Variants in GPHN observed in about 807,000 individuals in gnomAD.
GPHN encodes the protein gephyrin.
A neutral mutation model predicts 95.5 loss-of-function variants in GPHN; 17 were observed. The ratio of observed to expected loss-of-function variants is 0.18; its 90% CI spans 0.12 to 0.27. GPHN has a LOEUF of 0.27. Ranked by LOEUF, GPHN falls within the 10% of genes least tolerant of loss-of-function variation. The pLI, the probability that GPHN is intolerant of heterozygous loss-of-function variation, is 1.00. For synonymous variants in GPHN, 320 were observed against 322.5 expected (o/e 0.99, Z 0.08); for missense variants, 660 against 978.1 (o/e 0.67, Z 4.34).
At chr14:67,387,410 C>A in the GPHN span, 2 of 1,610,160 alleles carry the variant, frequency 1.2e-6, no homozygotes, top group Non-Finnish European at 1.7e-6. Context: ...GTGTGTCATC[C>A]TTAGTAATCA....
chr14:67,321,223 C>T, the GPHN span: 11 of 1,614,088 alleles, frequency 6.8e-6, no homozygotes, highest in Admixed American at 6.7e-5. Flanking sequence ...AAGTGATCAA[C>T]TCTGGCAAAA....
chr14:66,976,610 A>G (rs1489874506), intron 9 of GPHN, among the ~76,000 whole-genome samples: 1 of 152,178 alleles, frequency 6.6e-6, no homozygotes, highest in Non-Finnish European at 1.5e-5. Flanking sequence ...TACTTTTGTT[A>G]AAGAGAAAAC....
the GPHN span, among the ~76,000 whole-genome samples, chr14:67,483,472 G>T: frequency 6.6e-6 from 1 of 152,232 alleles, no homozygotes; most frequent in Non-Finnish European, 1.5e-5. Context: ...CTTCTGGAAG[G>T]CTGGGATGGT....
intron 1 of GPHN, among the ~76,000 whole-genome samples, chr14:66,645,691 CAAA>C (rs35278627): frequency 9.2e-6 from 1 of 109,060 alleles, no homozygotes; most frequent in African/African-American, 3.0e-5. Flanking sequence ...GACTCCATTT[CAAA>C]AAAAAAAAAA....
At chr14:67,212,630 T>C in the GPHN span, among the ~76,000 whole-genome samples, 3 of 145,738 alleles carry the variant, frequency 2.1e-5, no homozygotes, top group African/African-American at 5.0e-5. Flanking sequence ...ATATATTATA[T>C]ATAATATATA....
chr14:67,701,529 T>G, the GPHN span, among the ~76,000 whole-genome samples: 1 of 151,300 alleles, frequency 6.6e-6, no homozygotes, highest in Non-Finnish European at 1.5e-5. Context: ...GTTCAAGTGA[T>G]TCTCCCGCCT....
chr14:67,374,150 T>C, the GPHN span, among the ~76,000 whole-genome samples: 1 of 152,270 alleles, frequency 6.6e-6, no homozygotes, highest in East Asian at 1.9e-4. Context: ...AATCTGAAAC[T>C]TTTGAGCACC....
chr14:66,732,216 C>A (rs2071833155), intron 2 of GPHN, among the ~76,000 whole-genome samples: 1 of 152,156 alleles, frequency 6.6e-6, no homozygotes, highest in Admixed American at 6.5e-5. Flanking sequence ...GGACCACCAC[C>A]CTCCAGACCC....
the GPHN span, among the ~76,000 whole-genome samples, chr14:67,628,462 C>T: frequency 6.6e-6 from 1 of 152,170 alleles, no homozygotes; most frequent in African/African-American, 2.4e-5. Context: ...AGTGATGTGC[C>T]TGCATAGAGG....
the GPHN span, among the ~76,000 whole-genome samples, chr14:67,698,584 G>T: frequency 6.6e-6 from 1 of 152,180 alleles, no homozygotes; most frequent in East Asian, 1.9e-4. Flanking sequence ...GGTTCAATCA[G>T]AAGTGAGAAA....
intron 1 of GPHN, among the ~76,000 whole-genome samples, chr14:66,633,910 ATTGGT>A (rs2063958378): frequency 6.7e-6 from 1 of 150,266 alleles, no homozygotes; most frequent in Non-Finnish European, 1.5e-5. Context: ...GCTTTAAGAC[ATTGGT>A]TTGGGAAAAG....
the GPHN span, among the ~76,000 whole-genome samples, chr14:67,596,147 C>T: frequency 2.6e-5 from 4 of 151,764 alleles, no homozygotes; most frequent in African/African-American, 4.8e-5. Flanking sequence ...TTCATTGATT[C>T]GAGACAGAAT....
intron 9 of GPHN, among the ~76,000 whole-genome samples, chr14:66,987,942 C>T (rs1050007009): frequency 7.2e-5 from 11 of 152,170 alleles, no homozygotes; most frequent in African/African-American, 1.7e-4. Flanking sequence ...GTAGCTCCAT[C>T]GAAAGCTGGA....
intron 10 of GPHN, among the ~76,000 whole-genome samples, chr14:67,038,727 G>A (rs926955980): frequency 3.9e-5 from 6 of 151,984 alleles, no homozygotes; most frequent in African/African-American, 1.4e-4. Context: ...TGTCCTGCTG[G>A]CATCTCACAT....
At chr14:66,952,885 G>A (rs1442759077) in intron 8 of GPHN, among the ~76,000 whole-genome samples, 1 of 151,882 alleles carries the variant, frequency 6.6e-6, no homozygotes, top group Non-Finnish European at 1.5e-5. Context: ...TAGTAGAGAA[G>A]GGGTTTCACT....
At chr14:67,389,789 T>TA in the GPHN span, among the ~76,000 whole-genome samples, 4 of 150,118 alleles carry the variant, frequency 2.7e-5, no homozygotes, top group Non-Finnish European at 5.9e-5. Context: ...TTTTTTTTTT[T>TA]AAGTGTTTTT....
the GPHN span, chr14:67,376,668 G>A: frequency 3.4e-6 from 5 of 1,479,620 alleles, no homozygotes; most frequent in South Asian, 6.4e-5. Flanking sequence ...TAGCATCCAT[G>A]TATAAAATAC....
the GPHN span, chr14:67,571,323 C>T: frequency 1.2e-5 from 2 of 164,834 alleles, no homozygotes; most frequent in African/African-American, 4.8e-5. Context: ...CCCCCATCTT[C>T]TCCCCATACT....
At chr14:66,719,976 T>C (rs1215796734) in intron 2 of GPHN, among the ~76,000 whole-genome samples, 3 of 152,220 alleles carry the variant, frequency 2.0e-5, no homozygotes, top group Non-Finnish European at 4.4e-5. Flanking sequence ...GATTCAATTA[T>C]CTTATTTTTT....
Sources: allele counts gnomAD v4.1 joint callset (sites outside exome capture counted in the v4.1 genomes callset), GRCh38; gene constraint gnomAD v4.1.1; transcripts MANE v1.5; gene names NCBI Gene and HGNC (gene_info 2026-07-23, HGNC 2026-07-21).